The following PRKN variants were observed in gnomAD, a reference collection of about 807,000 sequenced individuals.
PRKN encodes the protein E3 ubiquitin-protein ligase parkin.
A neutral mutation model predicts 59.5 loss-of-function variants in PRKN; 56 were observed. The observed-to-expected ratio is 0.94, with a 90% CI of 0.76 to 1.18. PRKN has a LOEUF of 1.18. Ranked by LOEUF, PRKN falls within the 50% of genes most tolerant of loss-of-function variation. The pLI is 0.00. For missense variants in PRKN, 657 were observed against 596.4 expected (o/e 1.10, Z -1.06); for synonymous variants, 250 against 222.1 (o/e 1.13, Z -1.12).
chr6:162,050,979 T>C (rs1427397146), intron 5 of PRKN, among the ~76,000 whole-genome samples: 1 of 152,132 alleles, frequency 6.6e-6, no homozygotes, highest in Non-Finnish European at 1.5e-5. Context: ...CATTATTTAC[T>C]GCCAGAAAAT....
Position 162,364,273 on chromosome 6 carries a change from T to C in PRKN, c.171+79037A>G, listed in dbSNP as rs187410767. ...ACCAATGCATTGCTCTTTAAAATAA[T>C]ACCCAAATAATTATCTGTACTGTTT... On this transcript the variant is annotated intron_variant, in intron 2 of 11. Coordinates refer to ENST00000366898, the MANE Select transcript of PRKN (RefSeq NM_004562.3). 3.7e-4 allele frequency among the ~76,000 whole-genome samples: 56 copies of C among 152,328 alleles called. 1 individual carries two copies. Among genetic ancestry groups the C allele is most frequent in the Admixed American group, 3.3e-3 (51 of 15,296 alleles).
intron 4 of PRKN, among the ~76,000 whole-genome samples, chr6:162,074,285 G>A (rs1198166815): frequency 7.8e-6 from 1 of 128,908 alleles, no homozygotes; most frequent in Non-Finnish European, 1.6e-5. Flanking sequence ...TATACACCAT[G>A]GAATACTATG....
intron 1 of PRKN, among the ~76,000 whole-genome samples, chr6:162,683,164 G>A (rs145467197): frequency 1.3e-5 from 2 of 152,268 alleles, no homozygotes; most frequent in Admixed American, 1.3e-4. Context: ...TTCTTCAACA[G>A]TGAAGCGGGG....
At chr6:161,949,684 A>C (rs886603070) in intron 6 of PRKN, among the ~76,000 whole-genome samples, 1 of 152,178 alleles carries the variant, frequency 6.6e-6, no homozygotes, top group Non-Finnish European at 1.5e-5. Context: ...ATGGGCCAAG[A>C]CAGAGCACTC....
At chr6:162,125,791 A>T (rs898508051) in intron 4 of PRKN, among the ~76,000 whole-genome samples, 1 of 152,328 alleles carries the variant, frequency 6.6e-6, no homozygotes, top group South Asian at 2.1e-4. Context: ...CAGGTACTCA[A>T]TAAGTATTTG....
chr6:162,224,442 A>G (rs1778075354), intron 3 of PRKN, among the ~76,000 whole-genome samples: 2 of 152,066 alleles, frequency 1.3e-5, no homozygotes, highest in African/African-American at 4.8e-5. Context: ...GTGTAAGTCC[A>G]CTCCATGATG....
intron 1 of PRKN, among the ~76,000 whole-genome samples, chr6:162,469,264 G>C (rs773765941): frequency 7.0e-6 from 1 of 142,688 alleles, no homozygotes; most frequent in Non-Finnish European, 1.5e-5. Flanking sequence ...TGGACACGAG[G>C]ATCCTTGCTG....
intron 2 of PRKN, among the ~76,000 whole-genome samples, chr6:162,344,224 C>T (rs1188544603): frequency 6.6e-6 from 1 of 152,012 alleles, no homozygotes; most frequent in African/African-American, 2.4e-5. Context: ...TGGAAATGCT[C>T]CCAATATTAG....
intron 10 of PRKN, among the ~76,000 whole-genome samples, chr6:161,367,791 TTC>T (rs1347935538): frequency 2.0e-5 from 3 of 152,162 alleles, no homozygotes; most frequent in African/African-American, 4.8e-5. Context: ...GTAAGGACGC[TTC>T]TGTTACATGA....
chr6:162,230,793 C>A (rs1389825134), intron 3 of PRKN, among the ~76,000 whole-genome samples: 2 of 152,148 alleles, frequency 1.3e-5, no homozygotes, highest in East Asian at 3.8e-4. Flanking sequence ...ACCAGGCAAA[C>A]CAAGTCACAG....
chr6:161,666,271 C>G lies in PRKN; in HGVS notation c.872-96855G>C, dbSNP rs188914931. 1.6e-4 allele frequency among the ~76,000 whole-genome samples: 24 copies of G among 152,258 alleles called. No individual in the cohort carries two copies. The East Asian group carries it at 4.2e-3, about 27-fold the overall frequency. The stretch of plus-strand genomic sequence containing the variant: ...TGAGTGGGTGAGCGAGAATTATCAC[C>G]CGAGCTCCACCTCTTGTCAGATCAG... On this transcript the variant is annotated intron_variant, in intron 7 of 11. Coordinates refer to ENST00000366898, the MANE Select transcript of PRKN (RefSeq NM_004562.3).
chr6:162,321,779 A>C (rs1783034592), intron 2 of PRKN, among the ~76,000 whole-genome samples: 1 of 152,032 alleles, frequency 6.6e-6, no homozygotes, highest in African/African-American at 2.4e-5. Context: ...AAGGTTTAAA[A>C]TAAAAGCATC....
At chr6:161,650,951 C>T (rs1038607019) in intron 7 of PRKN, among the ~76,000 whole-genome samples, 3 of 152,122 alleles carry the variant, frequency 2.0e-5, no homozygotes, top group Non-Finnish European at 2.9e-5. Flanking sequence ...ATTTAACATC[C>T]TGAAATTGTT....
intron 2 of PRKN, among the ~76,000 whole-genome samples, chr6:162,426,823 A>G (rs1789260813): frequency 6.6e-6 from 1 of 152,252 alleles, no homozygotes; most frequent in Non-Finnish European, 1.5e-5. Flanking sequence ...AAACTTTCAC[A>G]TTAGACACAG....
chr6:162,469,597 G>C (rs1791624940), intron 1 of PRKN, among the ~76,000 whole-genome samples: 1 of 151,982 alleles, frequency 6.6e-6, no homozygotes, highest in South Asian at 2.1e-4. Context: ...GATGGGAATG[G>C]AGATGATTCT....
At chr6:161,404,543 C>T (rs1338648612) in intron 9 of PRKN, among the ~76,000 whole-genome samples, 2 of 152,166 alleles carry the variant, frequency 1.3e-5, no homozygotes, top group Non-Finnish European at 2.9e-5. Flanking sequence ...AGTTTCTTGT[C>T]TCAGTGACCC....
At chr6:162,381,601 T>C (rs188964453) in intron 2 of PRKN, among the ~76,000 whole-genome samples, 106 of 152,332 alleles carry the variant, frequency 7.0e-4, no homozygotes, top group African/African-American at 2.5e-3. Flanking sequence ...CTGTCCTTAA[T>C]ATTAAACACC....
At chr6:162,075,756 G>A (rs11757111) in intron 4 of PRKN, among the ~76,000 whole-genome samples, 17,026 of 151,834 alleles carry the variant, frequency 0.11, 1,059 homozygotes, top group African/African-American at 0.14. Flanking sequence ...GGTCCTAAAG[G>A]GCAACAGAAC....
chr6:161,818,426 C>T (rs1215475795), intron 6 of PRKN, among the ~76,000 whole-genome samples: 1 of 151,900 alleles, frequency 6.6e-6, no homozygotes, highest in African/African-American at 2.4e-5. Flanking sequence ...CCTCAACCTC[C>T]CATGCCCAAG....
Sources: gnomAD v4.1 joint callset for allele counts (sites outside exome capture counted in the v4.1 genomes callset) on GRCh38, gnomAD v4.1.1 for gene constraint, MANE v1.5 for transcripts, NCBI Gene and HGNC (gene_info 2026-07-23, HGNC 2026-07-21) for gene names.